NPRL3: variants seen among roughly 807,000 people sequenced by gnomAD.
The protein encoded by NPRL3 is NPR3 like, GATOR1 complex subunit.
NPRL3 carries 23 observed loss-of-function variants against 57.2 expected under a neutral mutation model. The ratio of observed to expected loss-of-function variants is 0.40; its 90% CI spans 0.29 to 0.57. The LOEUF (loss-of-function observed/expected upper bound fraction) is 0.57. Among genes scored for constraint, NPRL3 ranks in the 20% least tolerant of loss-of-function variants. The pLI, the probability that NPRL3 is intolerant of heterozygous loss-of-function variation, is 0.42. For missense variants in NPRL3, 691 were observed against 767.1 expected, an observed-to-expected ratio of 0.90 and a Z score of 1.17; for synonymous variants, 333 against 321.1, an observed-to-expected ratio of 1.04 and a Z score of -0.39.
chr16:100,528 G>C lies in NPRL3; in HGVS notation c.630-19C>G, dbSNP rs753781901. ...GCACAGGCTGCAGAGAGTGGGCGCT[G>C]TTACCCGTTCACATAAACTTTCTAA... On this transcript the variant is annotated intron_variant, in intron 7 of 13. Coordinates refer to ENST00000611875, the MANE Select transcript of NPRL3 (RefSeq NM_001077350.3). 1.0e-5 allele frequency: 16 copies of C among 1,530,216 alleles called. No homozygotes were observed. The African/African-American group carries it at 2.1e-4, about 20-fold the overall frequency. 94.8% of individuals were successfully genotyped at this position (1,530,216 alleles called of 1,614,324 possible).
At chr16:116,787 AC>A (rs71391112) in intron 5 of NPRL3, among the ~76,000 whole-genome samples, 2,025 of 85,690 alleles carry the variant, frequency 0.024, 101 homozygotes, top group South Asian at 0.029. Flanking sequence ...ACATGGCGAG[AC>A]CCCCCCCCCC....
intron 4 of NPRL3, 99 bp downstream of exon 4, chr16:119,027 T>A: frequency 6.9e-7 from 1 of 1,445,940 alleles, no homozygotes; most frequent in Non-Finnish European, 9.1e-7. Context: ...AAGCCACACC[T>A]GCCCAAGGAG....
Position 85,718 on chromosome 16 carries a change from C to T in NPRL3, c.*987G>A, listed in dbSNP as rs566736218. The T allele has an allele frequency of 2.2e-5, 33 of 1,531,532 alleles. No homozygotes were observed. The highest frequency in any genetic ancestry group is 3.8e-5 in the South Asian group (3 of 78,308). 94.9% of individuals were successfully genotyped at this position (1,531,532 alleles called of 1,614,324 possible). A position where few individuals can be genotyped will look rare whatever the true frequency, so the allele number is the denominator to read the frequency against. On this transcript the variant is annotated 3_prime_UTR_variant, in exon 14 of 14. Coordinates refer to ENST00000611875, the MANE Select transcript of NPRL3 (RefSeq NM_001077350.3). Reference sequence around the variant, plus strand: ...CCGGAAACCCCTCCGCTTCTATGTCCGGGGCAGCCCCTGGGTCAGTGTGGT... The same window carrying T: ...CCGGAAACCCCTCCGCTTCTATGTCTGGGGCAGCCCCTGGGTCAGTGTGGT...
In NPRL3 at chr16:116,788, C is replaced by CCG. The variant is rs1459503069; in HGVS notation, c.393+512_393+513insCG. 1.5e-4 allele frequency among the ~76,000 whole-genome samples: 6 copies of CCG among 40,362 alleles called. 1 individual carries two copies. The highest frequency in any genetic ancestry group is 0.013 in the Middle Eastern group (1 of 78). The allele number at this position is 40,362 out of a possible 152,430, so 26.5% of individuals were successfully genotyped here. A position where few individuals can be genotyped will look rare whatever the true frequency, so the allele number is the denominator to read the frequency against. On this transcript the variant is annotated intron_variant, in intron 5 of 13. Transcript: ENST00000611875. ...GACCAGCATGGCCAACATGGCGAGA[C>CCG]CCCCCCCCCCCACCGATCTCTACTA...
At chr16:131,813 C>A (rs956823764) in intron 2 of NPRL3, among the ~76,000 whole-genome samples, 1 of 152,076 alleles carries the variant, frequency 6.6e-6, no homozygotes, top group South Asian at 2.1e-4. Context: ...AAAGATTTCT[C>A]TGTCGTACGG....
chr16:130,714 A>C, intron 2 of NPRL3, 123 bp from the exon 3 acceptor site: 1 of 865,468 alleles, frequency 1.2e-6, no homozygotes. Context: ...ATGGAATATT[A>C]CTCAGACATA....
intron 8 of NPRL3, among the ~76,000 whole-genome samples, chr16:99,235 C>A (rs1023044861): frequency 6.6e-6 from 1 of 152,162 alleles, no homozygotes; most frequent in Non-Finnish European, 1.5e-5. Context: ...TCTGTCATTT[C>A]CAAATTTTCA....
Position 118,779 on chromosome 16 carries a change from C to T in NPRL3, c.318+347G>A, listed in dbSNP as rs562018272. On this transcript the variant is annotated intron_variant, in intron 4 of 13. Coordinates refer to ENST00000611875, the MANE Select transcript of NPRL3 (RefSeq NM_001077350.3). ...TGAGCCCCCCAGAGCCAGAATGGAC[C>T]AGGCCTGCCGGCCCAGGGAGAGCCA... 4.6e-5 allele frequency among the ~76,000 whole-genome samples: 7 copies of T among 152,374 alleles called. No individual in the cohort carries two copies. In the South Asian group the frequency reaches 1.0e-3, roughly 23 times the overall value.
intron 9 of NPRL3, among the ~76,000 whole-genome samples, chr16:97,119 C>T (rs1375003944): frequency 6.6e-6 from 1 of 152,256 alleles, no homozygotes; most frequent in East Asian, 1.9e-4. Flanking sequence ...CACCCACAGG[C>T]ACCACCTGCT....
intron 3 of NPRL3, among the ~76,000 whole-genome samples, chr16:129,769 G>A (rs1373421775): frequency 1.3e-5 from 2 of 152,176 alleles, no homozygotes; most frequent in African/African-American, 4.8e-5. Flanking sequence ...CAAAGGCCCA[G>A]CATAGGGATC....
intron 3 of NPRL3, chr16:125,103 A>C (rs764926462): frequency 6.7e-6 from 1 of 149,796 alleles, no homozygotes; most frequent in Non-Finnish European, 1.5e-5. Flanking sequence ...AAAAACCTTT[A>C]TTTTCCTCTG....
chr16:117,966 C>T (rs936401941), intron 4 of NPRL3, among the ~76,000 whole-genome samples: 1 of 152,204 alleles, frequency 6.6e-6, no homozygotes, highest in Admixed American at 6.5e-5. Context: ...GCTGCCCTGG[C>T]ACCCATCCCC....
At chr16:115,622 A>G (rs1899999388) in intron 5 of NPRL3, among the ~76,000 whole-genome samples, 1 of 152,094 alleles carries the variant, frequency 6.6e-6, no homozygotes, top group South Asian at 2.1e-4. Context: ...AGTAGCTGGA[A>G]TTACAGGTGT....
chr16:109,200 C>T (rs1317118070), intron 7 of NPRL3, among the ~76,000 whole-genome samples: 1 of 151,850 alleles, frequency 6.6e-6, no homozygotes, highest in Non-Finnish European at 1.5e-5. Context: ...CACTTCTGAC[C>T]TCAAGAAATC....
intron 7 of NPRL3, among the ~76,000 whole-genome samples, chr16:107,830 T>G (rs1355521302): frequency 1.3e-5 from 2 of 152,180 alleles, no homozygotes; most frequent in African/African-American, 4.8e-5. Context: ...ACCAGCTTGG[T>G]TTTTATTTTA....
At chr16:87,227 G>A (rs1269303384) in intron 13 of NPRL3, among the ~76,000 whole-genome samples, 3 of 150,620 alleles carry the variant, frequency 2.0e-5, no homozygotes, top group South Asian at 2.1e-4. Flanking sequence ...AATGGTCACT[G>A]CTTTTTTTTT....
At chr16:89,501 T>C (rs768080584) in intron 12 of NPRL3, 95 of 520,054 alleles carry the variant, frequency 1.8e-4, no homozygotes, top group Non-Finnish European at 3.0e-4. Flanking sequence ...GCAAGCCTGC[T>C]GAAGAGCCCG....
chr16:89,637 C>A (rs1031049380), intron 12 of NPRL3, 76 bp downstream of exon 12: 2 of 1,343,572 alleles, frequency 1.5e-6, no homozygotes, highest in Non-Finnish European at 1.9e-6. Flanking sequence ...CTCACAGCAC[C>A]ACCCACGTTG....
chr16:105,190 C>T (rs372148821), intron 7 of NPRL3, among the ~76,000 whole-genome samples: 4 of 152,336 alleles, frequency 2.6e-5, no homozygotes, highest in African/African-American at 9.6e-5. Flanking sequence ...CTGACAATGA[C>T]TATGCAAAAG....
Sources: gnomAD v4.1 joint callset for allele counts (sites outside exome capture counted in the v4.1 genomes callset) on GRCh38, gnomAD v4.1.1 for gene constraint, MANE v1.5 for transcripts, NCBI Gene and HGNC (gene_info 2026-07-23, HGNC 2026-07-21) for gene names.